The following EPG5 variants were observed in gnomAD, a reference collection of about 807,000 sequenced individuals.
EPG5 encodes ectopic P-granules 5 autophagy tethering factor.
In EPG5, 159 loss-of-function variants were observed where a neutral mutation model predicts 302.7. The ratio of observed to expected loss-of-function variants is 0.53; its 90% confidence interval spans 0.46 to 0.60. EPG5 has a LOEUF of 0.60. EPG5 is among the 20% of genes least tolerant of loss of function. The pLI, the probability that EPG5 is intolerant of heterozygous loss-of-function variation, is 0.00. For missense variants in EPG5, 2,896 were observed against 3,092.4 expected, an observed-to-expected ratio of 0.94 and a Z score of 1.51; for synonymous variants, 1,158 against 1,136.8, an observed-to-expected ratio of 1.02 and a Z score of -0.37.
chr18:45,937,503 T>C (rs576655471), intron 10 of EPG5, among the ~76,000 whole-genome samples: 2 of 151,584 alleles, frequency 1.3e-5, no homozygotes, highest in African/African-American at 4.8e-5. Context: ...ACTTCCGGGG[T>C]TCAAGCGATT....
At chr18:45,812,850 T>C in the EPG5 span, among the ~76,000 whole-genome samples, 138 of 152,282 alleles carry the variant, frequency 9.1e-4, no homozygotes, top group African/African-American at 3.0e-3. Flanking sequence ...ATTCAGGACA[T>C]AGGCATGGGC....
intron 10 of EPG5, among the ~76,000 whole-genome samples, chr18:45,939,077 G>GC (rs1452355461): frequency 1.3e-5 from 2 of 152,196 alleles, no homozygotes; most frequent in Non-Finnish European, 2.9e-5. Context: ...CCTTGCCTAT[G>GC]CCTCAAACAG....
At chr18:45,859,280 A>C (rs1322033681) in intron 40 of EPG5, among the ~76,000 whole-genome samples, 1 of 152,256 alleles carries the variant, frequency 6.6e-6, no homozygotes, top group Non-Finnish European at 1.5e-5. Context: ...TTAGTAACAC[A>C]CATGAGTTTG....
At chr18:45,813,530 T>G in the EPG5 span, among the ~76,000 whole-genome samples, 1 of 152,192 alleles carries the variant, frequency 6.6e-6, no homozygotes, top group African/African-American at 2.4e-5. Flanking sequence ...TGTCCAGCAA[T>G]GACAGACTGG....
At position 45,945,187 on chromosome 18, in the gene EPG5, T is replaced by C. The variant is rs539299282; in HGVS notation, c.1678-1068A>G. ...CCACTCAATTTTTACACTCTTATTA[T>C]GTATCTAAAATGGCTAACAAGCATT... On this transcript the variant is annotated intron_variant, in intron 7 of 43. Coordinates refer to ENST00000282041, the MANE Select transcript of EPG5 (RefSeq NM_020964.3). 2.6e-5 allele frequency among the ~76,000 whole-genome samples: 4 copies of C among 152,356 alleles called. No homozygotes were observed. In the South Asian group the frequency reaches 6.2e-4, roughly 24 times the overall value.
the EPG5 span, among the ~76,000 whole-genome samples, chr18:45,805,198 C>G: frequency 6.6e-6 from 1 of 151,338 alleles, no homozygotes; most frequent in African/African-American, 2.4e-5. Context: ...GCTCCTGAAA[C>G]AGGAAAAAGG....
chr18:45,930,218 A>G (rs2050368601), intron 12 of EPG5, among the ~76,000 whole-genome samples: 1 of 152,180 alleles, frequency 6.6e-6, no homozygotes, highest in Admixed American at 6.5e-5. Flanking sequence ...GCCTGGGGTA[A>G]TAAGTTATCT....
chr18:45,807,116 T>C, the EPG5 span, among the ~76,000 whole-genome samples: 1 of 152,208 alleles, frequency 6.6e-6, no homozygotes, highest in Admixed American at 6.5e-5. Flanking sequence ...TTTCCTGCAC[T>C]GCTCTGACAA....
At chr18:45,953,152 G>A (rs139070237) in intron 2 of EPG5, 3,995 of 375,552 alleles carry the variant, frequency 0.011, 165 homozygotes, top group African/African-American at 0.083. Context: ...CAGCCTGGGC[G>A]ACAGAGCTAG....
At chr18:45,816,631 C>T in the EPG5 span, among the ~76,000 whole-genome samples, 1 of 152,124 alleles carries the variant, frequency 6.6e-6, no homozygotes, top group East Asian at 1.9e-4. Flanking sequence ...TAGATGTTAG[C>T]GTGGATGCGG....
At chr18:45,855,494 A>G (rs1251228937) in intron 43 of EPG5, 79 bp downstream of exon 43, 23 of 954,800 alleles carry the variant, frequency 2.4e-5, no homozygotes, top group Non-Finnish European at 3.7e-5. Flanking sequence ...CATGACGCGC[A>G]CAGGCTACGG....
At chr18:45,838,939 G>A in the EPG5 span, 3 of 1,604,760 alleles carry the variant, frequency 1.9e-6, no homozygotes, top group South Asian at 3.3e-5. Context: ...GTGTACGGCC[G>A]CCAACAGCCT....
the EPG5 span, chr18:45,836,965 A>T: frequency 1.1e-6 from 1 of 871,172 alleles, no homozygotes; most frequent in African/African-American, 1.6e-5. Context: ...GACTTCAGTT[A>T]CTCAACTTCT....
chr18:45,899,370 A>G (rs1230781942), intron 27 of EPG5, 34 bp downstream of exon 27: 1 of 1,611,316 alleles, frequency 6.2e-7, no homozygotes, highest in South Asian at 1.1e-5. Context: ...CTCAATTAAA[A>G]TTCTCTCAGT....
chr18:45,960,659 G>A (rs1196607386), intron 1 of EPG5, among the ~76,000 whole-genome samples: 1 of 151,938 alleles, frequency 6.6e-6, no homozygotes, highest in Non-Finnish European at 1.5e-5. Context: ...GGTATATGGG[G>A]AAAAAAACCT....
intron 1 of EPG5, among the ~76,000 whole-genome samples, chr18:45,966,202 C>A (rs2051252971): frequency 6.6e-6 from 1 of 151,738 alleles, no homozygotes; most frequent in South Asian, 2.1e-4. Flanking sequence ...GAAACCCCGT[C>A]TCTACTAAAA....
chr18:45,827,396 G>A, the EPG5 span, among the ~76,000 whole-genome samples: 1 of 152,208 alleles, frequency 6.6e-6, no homozygotes, highest in Non-Finnish European at 1.5e-5. Context: ...GGCACTGACA[G>A]GGAAGGAGCT....
At chr18:45,819,028 C>G in the EPG5 span, among the ~76,000 whole-genome samples, 2 of 152,184 alleles carry the variant, frequency 1.3e-5, no homozygotes, top group Non-Finnish European at 2.9e-5. Flanking sequence ...GCCACCGTGC[C>G]TGGCCTAAAC....
At chr18:45,929,511 G>C (rs763114649) in intron 12 of EPG5, among the ~76,000 whole-genome samples, 32 of 152,062 alleles carry the variant, frequency 2.1e-4, no homozygotes, top group Non-Finnish European at 4.0e-4. Context: ...GGAATATACA[G>C]AAAAATAACA....
Sources: gnomAD v4.1 joint callset for allele counts (sites outside exome capture counted in the v4.1 genomes callset) on GRCh38, gnomAD v4.1.1 for gene constraint, MANE v1.5 for transcripts, NCBI Gene and HGNC (gene_info 2026-07-23, HGNC 2026-07-21) for gene names.